Variants in FOXJ3 observed in about 807,000 individuals in gnomAD.
FOXJ3 encodes the protein forkhead box protein J3.
In FOXJ3, 22 loss-of-function variants were observed where a neutral mutation model predicts 76.1. That is an observed-to-expected ratio of 0.29 (90% CI 0.21 to 0.41). The LOEUF is 0.41. Among genes scored for constraint, FOXJ3 ranks in the 10% least tolerant of loss-of-function variants. FOXJ3 has a pLI of 1.00. For synonymous variants in FOXJ3, 269 were observed against 261.2 expected, an observed-to-expected ratio of 1.03 and a Z score of -0.29; for missense variants, 613 against 762.1, an observed-to-expected ratio of 0.80 and a Z score of 2.30.
intron 3 of FOXJ3, among the ~76,000 whole-genome samples, chr1:42,268,929 C>T (rs1314488607): frequency 1.4e-4 from 22 of 152,164 alleles, no homozygotes; most frequent in Non-Finnish European, 1.5e-5. Flanking sequence ...CCCTATTCTA[C>T]CATGTAAGGT....
intron 1 of FOXJ3, among the ~76,000 whole-genome samples, chr1:42,317,514 T>TAAAAAAAAAAAAAAA (rs11365048): frequency 9.4e-6 from 1 of 106,400 alleles, no homozygotes; most frequent in Non-Finnish European, 1.9e-5. Flanking sequence ...AGAGAAACCA[T>TAAAAAAAAAAAAAAA]AAAAAAAAAA....
At chr1:42,311,650 A>AAGTAGTAGTAGTAGTAGT (rs142219815) in intron 1 of FOXJ3, among the ~76,000 whole-genome samples, 7,696 of 149,424 alleles carry the variant, frequency 0.052, 583 homozygotes, top group African/African-American at 0.16. Context: ...TTTAAAAAAA[A>AAGTAGTAGTAGTAGTAGT]AGTAGTAGTA....
rs1320445753 is a variant in FOXJ3 at position 42,335,218 on chromosome 1, C to A, written c.-177G>T. On this transcript the variant is annotated 5_prime_UTR_variant, in exon 1 of 13. Transcript: ENST00000361346. ...AGCAAGAGCAGCCAACATCCGGGGC[C>A]GCGCACCCGGAACTACTTCCCGACC... The A allele has an allele frequency of 6.6e-6, 1 of 152,160 alleles. No individual in the cohort carries two copies. Among genetic ancestry groups the A allele is most frequent in the African/African-American group, 2.4e-5 (1 of 41,440 alleles). The allele number at this position is 152,160 out of a possible 1,614,324, so 9.4% of individuals were successfully genotyped here.
intron 2 of FOXJ3, among the ~76,000 whole-genome samples, chr1:42,297,158 T>C (rs1653840937): frequency 6.6e-6 from 1 of 152,200 alleles, no homozygotes; most frequent in Non-Finnish European, 1.5e-5. Flanking sequence ...ACATTGATTT[T>C]GTATCCTGAA....
At chr1:42,232,711 T>A (rs574263424) in intron 4 of FOXJ3, among the ~76,000 whole-genome samples, 2 of 152,162 alleles carry the variant, frequency 1.3e-5, no homozygotes, top group African/African-American at 2.4e-5. Context: ...GTCAGATGAG[T>A]AGATTGCAAA....
At chr1:42,208,487 T>C (rs556409985) in intron 5 of FOXJ3, among the ~76,000 whole-genome samples, 1 of 152,324 alleles carries the variant, frequency 6.6e-6, no homozygotes, top group East Asian at 1.9e-4. Context: ...CAAAATTCAA[T>C]ATCCTTTCAT....
intron 4 of FOXJ3, among the ~76,000 whole-genome samples, chr1:42,249,946 G>T (rs1649884608): frequency 6.6e-6 from 1 of 152,172 alleles, no homozygotes; most frequent in Non-Finnish European, 1.5e-5. Flanking sequence ...GGCTTTAAAG[G>T]ATAAAGAAAA....
intron 4 of FOXJ3, among the ~76,000 whole-genome samples, chr1:42,234,362 G>T (rs1172871319): frequency 6.6e-6 from 1 of 152,046 alleles, no homozygotes; most frequent in African/African-American, 2.4e-5. Flanking sequence ...CCTTTAGCTC[G>T]GAGTAGTTTG....
intron 9 of FOXJ3, among the ~76,000 whole-genome samples, chr1:42,190,203 G>A (rs1373932828): frequency 6.6e-6 from 1 of 152,190 alleles, no homozygotes; most frequent in Non-Finnish European, 1.5e-5. Flanking sequence ...CTGAATAGTG[G>A]AAGAAAATTC....
At position 42,316,206 on chromosome 1, in the gene FOXJ3, T is replaced by C. The variant is rs1037635261; in HGVS notation, c.-17-5096A>G. ...TTTTAAGAGACAGAGTCTTGCTTTG[T>C]TGCCCAGGCTGGAGTACAGTGGCCA... On this transcript the variant is annotated intron_variant, in intron 1 of 12. Coordinates refer to ENST00000361346, the MANE Select transcript of FOXJ3 (RefSeq NM_014947.5). 1.1e-4 allele frequency among the ~76,000 whole-genome samples: 17 copies of C among 152,178 alleles called. No homozygotes were observed. In the South Asian group the frequency reaches 3.5e-3, roughly 32 times the overall value.
intron 8 of FOXJ3, among the ~76,000 whole-genome samples, chr1:42,192,582 C>T (rs1281967052): frequency 6.6e-6 from 1 of 152,090 alleles, no homozygotes; most frequent in African/African-American, 2.4e-5. Flanking sequence ...TAAATGTTAG[C>T]TGCCATGATG....
intron 3 of FOXJ3, among the ~76,000 whole-genome samples, chr1:42,275,652 C>T (rs1652205385): frequency 1.3e-5 from 2 of 152,016 alleles, no homozygotes; most frequent in South Asian, 2.1e-4. Flanking sequence ...ACAGAGAAAA[C>T]AAGACTTTGT....
In FOXJ3 at chr1:42,243,250, T is replaced by C. The variant is rs576128334; in HGVS notation, c.445-15284A>G. 4.6e-5 allele frequency among the ~76,000 whole-genome samples: 7 copies of C among 151,906 alleles called. No homozygotes were observed. The South Asian group carries it at 1.5e-3, about 32-fold the overall frequency. On this transcript the variant is annotated intron_variant, in intron 4 of 12. Coordinates refer to ENST00000361346, the MANE Select transcript of FOXJ3 (RefSeq NM_014947.5). The stretch of plus-strand genomic sequence containing the variant: ...AGAAAACACGGAGAAGTATAAAAAC[T>C]CACTGGTAGAACGAACATACAAATG...
chr1:42,212,820 A>G (rs1646989062), intron 5 of FOXJ3, among the ~76,000 whole-genome samples: 1 of 152,062 alleles, frequency 6.6e-6, no homozygotes, highest in Non-Finnish European at 1.5e-5. Flanking sequence ...GTTAGACAAA[A>G]GCATCAGGTA....
intron 4 of FOXJ3, among the ~76,000 whole-genome samples, chr1:42,228,655 A>G (rs1217144861): frequency 6.6e-6 from 1 of 152,138 alleles, no homozygotes; most frequent in Non-Finnish European, 1.5e-5. Context: ...CAAAACACAG[A>G]AAGATAAAGT....
chr1:42,225,024 G>A (rs1647439768), intron 5 of FOXJ3, among the ~76,000 whole-genome samples: 1 of 150,354 alleles, frequency 6.7e-6, no homozygotes, highest in Admixed American at 6.6e-5. Context: ...GCTGCAGTAA[G>A]CCAGCAGCAC....
At chr1:42,311,172 CT>C in intron 1 of FOXJ3, 62 bp from the exon 2 acceptor site, 1 of 1,065,286 alleles carries the variant, frequency 9.4e-7, no homozygotes, top group Non-Finnish European at 1.4e-6. Context: ...ATAAGTCTCA[CT>C]TTAGATTTAA....
intron 2 of FOXJ3, among the ~76,000 whole-genome samples, chr1:42,291,083 T>TAGGCAGAC (rs1653398424): frequency 7.9e-6 from 1 of 126,388 alleles, no homozygotes. Flanking sequence ...GATAGATAGA[T>TAGGCAGAC]AGACAGACAG....
At chr1:42,248,594 A>T (rs1403317332) in intron 4 of FOXJ3, among the ~76,000 whole-genome samples, 1 of 151,810 alleles carries the variant, frequency 6.6e-6, no homozygotes, top group Non-Finnish European at 1.5e-5. Flanking sequence ...AATAAAAAAC[A>T]TTTTTTTGAT....
Sources: gnomAD v4.1 joint callset for allele counts (sites outside exome capture counted in the v4.1 genomes callset) on GRCh38, gnomAD v4.1.1 for gene constraint, MANE v1.5 for transcripts, NCBI Gene and HGNC (gene_info 2026-07-23, HGNC 2026-07-21) for gene names.